The following UNC5C variants were observed in gnomAD, a reference collection of about 807,000 sequenced individuals.
UNC5C encodes unc-5 netrin receptor C.
UNC5C carries 47 observed loss-of-function variants against 99.8 expected under a neutral mutation model. The ratio of observed to expected loss-of-function variants is 0.47; its 90% CI spans 0.37 to 0.60. The LOEUF is 0.60. Ranked by LOEUF, UNC5C falls within the 20% of genes least tolerant of loss-of-function variation. UNC5C has a pLI of 0.00. For missense variants in UNC5C, 1,062 were observed against 1,165.9 expected, an observed-to-expected ratio of 0.91 and a Z score of 1.30; for synonymous variants, 487 against 452.2, an observed-to-expected ratio of 1.08 and a Z score of -0.98.
intron 3 of UNC5C, among the ~76,000 whole-genome samples, chr4:95,286,797 G>C (rs1041034224): frequency 6.6e-6 from 1 of 152,172 alleles, no homozygotes; most frequent in Non-Finnish European, 1.5e-5. Flanking sequence ...GTGCCAATAG[G>C]AATGCAGGCT....
At chr4:95,192,958 C>T (rs186777269) in intron 12 of UNC5C, among the ~76,000 whole-genome samples, 1 of 152,240 alleles carries the variant, frequency 6.6e-6, no homozygotes, top group East Asian at 1.9e-4. Flanking sequence ...TCTTTTCTTT[C>T]CCTTTTTAGA....
At chr4:95,417,787 C>T (rs998911715) in intron 1 of UNC5C, among the ~76,000 whole-genome samples, 6 of 152,164 alleles carry the variant, frequency 3.9e-5, no homozygotes, top group African/African-American at 1.4e-4. Flanking sequence ...AATGTGGTTG[C>T]TGTTGTTTAT....
At chr4:95,358,444 T>A (rs930936977) in intron 1 of UNC5C, among the ~76,000 whole-genome samples, 1 of 152,200 alleles carries the variant, frequency 6.6e-6, no homozygotes, top group Non-Finnish European at 1.5e-5. Context: ...ATATACCCAA[T>A]ATACTGAAGA....
At chr4:95,188,889 T>TG (rs1240297988) in intron 12 of UNC5C, among the ~76,000 whole-genome samples, 1 of 152,146 alleles carries the variant, frequency 6.6e-6, no homozygotes, top group Admixed American at 6.5e-5. Context: ...TCATGGGGGT[T>TG]GGGGGGTGAC....
At chr4:95,326,392 T>G (rs1382097383) in intron 2 of UNC5C, among the ~76,000 whole-genome samples, 1 of 151,294 alleles carries the variant, frequency 6.6e-6, no homozygotes, top group Non-Finnish European at 1.5e-5. Context: ...TTAGGTACCA[T>G]GGAAACAAGA....
At chr4:95,270,004 C>G (rs6829650) in intron 4 of UNC5C, among the ~76,000 whole-genome samples, 15,558 of 152,106 alleles carry the variant, frequency 0.1, 2,269 homozygotes, top group African/African-American at 0.33. Context: ...TGTGAGCCCC[C>G]GTACCTGGCC....
chr4:95,499,076 G>T (rs1560485421), intron 1 of UNC5C, among the ~76,000 whole-genome samples: 1 of 151,996 alleles, frequency 6.6e-6, no homozygotes, highest in Non-Finnish European at 1.5e-5. Flanking sequence ...ACTCAAGTAA[G>T]AAAAATATTT....
intron 7 of UNC5C, among the ~76,000 whole-genome samples, chr4:95,238,869 C>A (rs1054227093): frequency 6.6e-6 from 1 of 152,108 alleles, no homozygotes; most frequent in Non-Finnish European, 1.5e-5. Context: ...AATCATTATG[C>A]CTTCCTCTCT....
At chr4:95,229,769 C>CCAT (rs1179017834) in intron 7 of UNC5C, among the ~76,000 whole-genome samples, 1 of 148,790 alleles carries the variant, frequency 6.7e-6, no homozygotes, top group East Asian at 2.0e-4. Context: ...TCCTATTTCT[C>CCAT]CATATCCTCC....
intron 1 of UNC5C, among the ~76,000 whole-genome samples, chr4:95,434,354 A>G (rs1406480189): frequency 6.6e-6 from 1 of 152,066 alleles, no homozygotes; most frequent in Non-Finnish European, 1.5e-5. Context: ...TCATTCATTC[A>G]TACATGTTTA....
intron 11 of UNC5C, among the ~76,000 whole-genome samples, chr4:95,204,255 TC>T (rs1222199950): frequency 6.6e-6 from 1 of 152,218 alleles, no homozygotes; most frequent in Admixed American, 6.5e-5. Context: ...AGTTACTAAT[TC>T]AACCAAGTTT....
At chr4:95,282,350 C>T (rs770895755) in intron 3 of UNC5C, among the ~76,000 whole-genome samples, 26 of 152,126 alleles carry the variant, frequency 1.7e-4, no homozygotes, top group Non-Finnish European at 3.1e-4. Context: ...TAGGAGTGAC[C>T]GGGAGCAGAA....
At chr4:95,222,165 G>C (rs998974156) in intron 7 of UNC5C, 7 of 1,397,108 alleles carry the variant, frequency 5.0e-6, no homozygotes, top group Non-Finnish European at 6.6e-6. Context: ...GGGCAATAAC[G>C]TTAAATGATT....
Position 95,335,492 on chromosome 4 carries a change from G to A in UNC5C, c.264C>T (p.Ala88=). The A allele has an allele frequency of 6.2e-7, 1 of 1,612,444 alleles. No homozygotes were observed. The change falls in exon 2 of 16, where the codon GCC becomes GCT. Residue 88 remains alanine, a synonymous_variant. Transcript: ENST00000453304. ...TATTACACTTGAAATAGATCTGGGT[G>A]GCAGGGCTTGCTTTACAGTACAGGT... ...PVNLYCKASP[A]TQIYFKCNSE...
At chr4:95,212,566 A>G (rs746735254) in intron 10 of UNC5C, among the ~76,000 whole-genome samples, 1 of 151,816 alleles carries the variant, frequency 6.6e-6, no homozygotes, top group South Asian at 2.1e-4. Flanking sequence ...CCAAACCTTC[A>G]CAGGAGTATT....
chr4:95,447,376 AG>A (rs1747135352), intron 1 of UNC5C, among the ~76,000 whole-genome samples: 1 of 152,186 alleles, frequency 6.6e-6, no homozygotes. Flanking sequence ...CACTGAGACA[AG>A]GGCCCTGATT....
chr4:95,433,189 C>G (rs1474711104), intron 1 of UNC5C, among the ~76,000 whole-genome samples: 1 of 151,912 alleles, frequency 6.6e-6, no homozygotes, highest in East Asian at 1.9e-4. Flanking sequence ...AAAGAAATAC[C>G]TCATCAAAGA....
At chr4:95,221,511 C>A (rs1381571998) in intron 7 of UNC5C, among the ~76,000 whole-genome samples, 1 of 152,178 alleles carries the variant, frequency 6.6e-6, no homozygotes, top group Non-Finnish European at 1.5e-5. Context: ...TGGAATCTTT[C>A]ACATATTAGC....
At chr4:95,547,309 A>G (rs1368869978) in intron 1 of UNC5C, among the ~76,000 whole-genome samples, 1 of 152,118 alleles carries the variant, frequency 6.6e-6, no homozygotes, top group Non-Finnish European at 1.5e-5. Flanking sequence ...GCTATCGCTA[A>G]TTCACAAAGC....
Sources: gnomAD v4.1 joint callset for allele counts (sites outside exome capture counted in the v4.1 genomes callset) on GRCh38, gnomAD v4.1.1 for gene constraint, MANE v1.5 for transcripts, NCBI Gene and HGNC (gene_info 2026-07-23, HGNC 2026-07-21) for gene names.